ENTPD1: variants seen among roughly 807,000 people sequenced by gnomAD.
ENTPD1 encodes ATP diphosphohydrolase.
In ENTPD1, 33 loss-of-function variants were observed where a neutral mutation model predicts 57.0. The observed-to-expected ratio is 0.58, with a 90% confidence interval of 0.44 to 0.77. ENTPD1 has a LOEUF of 0.77. Ranked by LOEUF, ENTPD1 falls within the 30% of genes least tolerant of loss-of-function variation. The pLI is 0.00. For missense variants in ENTPD1, 501 were observed against 603.4 expected, an observed-to-expected ratio of 0.83 and a Z score of 1.78; for synonymous variants, 202 against 218.8, an observed-to-expected ratio of 0.92 and a Z score of 0.68.
At chr10:95,849,210 C>A (rs551956146) in intron 7 of ENTPD1, among the ~76,000 whole-genome samples, 1 of 152,260 alleles carries the variant, frequency 6.6e-6, no homozygotes, top group African/African-American at 2.4e-5. Context: ...TCTTAATTGA[C>A]TCAGTCTTCA....
intron 1 of ENTPD1, among the ~76,000 whole-genome samples, chr10:95,800,987 T>C (rs2098247056): frequency 6.6e-6 from 1 of 152,130 alleles, no homozygotes; most frequent in Non-Finnish European, 1.5e-5. Flanking sequence ...AGAGTATTGA[T>C]TGGGGAAGTG....
rs1433738575 is a variant in ENTPD1, at chr10:95,839,744, G to T, written c.198G>T (p.Lys66Asn). ...CTCACACAAGTTTATACATCTATAA[G>T]TGGCCAGCAGAAAAGGAGAATGACA... Reference protein sequence around the residue: ...GSSHTSLYIYKWPAEKENDTG... With the variant: ...GSSHTSLYIYNWPAEKENDTG... Residue 66 changes from lysine (K) to asparagine (N), a missense_variant, in exon 3 of 10, where the codon AAG (lysine) becomes AAT (asparagine). By Grantham distance (94) the Lys-to-Asn change is moderately conservative. Coordinates refer to ENST00000371205, the MANE Select transcript of ENTPD1 (RefSeq NM_001776.6). 1.9e-6 allele frequency: 3 copies of T among 1,614,080 alleles called. No homozygotes were observed. Among genetic ancestry groups the T allele is most frequent in the South Asian group, 1.1e-5 (1 of 91,070 alleles).
At chr10:95,709,659 A>G (rs543627104), upstream of ENTPD1, among the ~76,000 whole-genome samples, 4 of 152,178 alleles carry the variant, frequency 2.6e-5, no homozygotes, top group Non-Finnish European at 5.9e-5. Context: ...CTGGGATTAC[A>G]GGCCTGAGCC....
intron 1 of ENTPD1, among the ~76,000 whole-genome samples, chr10:95,768,234 C>T (rs975052990): frequency 6.6e-6 from 1 of 152,252 alleles, no homozygotes; most frequent in African/African-American, 2.4e-5. Context: ...AATAAGATAA[C>T]TGGGTATAGA....
chr10:95,786,162 T>C (rs951282477), intron 1 of ENTPD1, among the ~76,000 whole-genome samples: 1 of 152,188 alleles, frequency 6.6e-6, no homozygotes, highest in African/African-American at 2.4e-5. Flanking sequence ...AAGCACTTTG[T>C]TCCAAACTCC....
At chr10:95,697,969 A>G in the ENTPD1 span, among the ~76,000 whole-genome samples, 1 of 152,222 alleles carries the variant, frequency 6.6e-6, no homozygotes, top group African/African-American at 2.4e-5. Flanking sequence ...AAGTGACTGT[A>G]TTTCAGTGAA....
chr10:95,827,253 A>G (rs1216802338), intron 2 of ENTPD1, among the ~76,000 whole-genome samples: 1 of 152,060 alleles, frequency 6.6e-6, no homozygotes, highest in Non-Finnish European at 1.5e-5. Flanking sequence ...GGAGTTCAAG[A>G]CCAGCCTGGC....
At chr10:95,846,428 A>T (rs2098435837) in intron 6 of ENTPD1, 1 of 152,206 alleles carries the variant, frequency 6.6e-6, no homozygotes, top group South Asian at 2.1e-4. Context: ...AGTTAAACAT[A>T]CTCAACATCA....
chr10:95,808,828 G>A (rs533731357), intron 1 of ENTPD1, among the ~76,000 whole-genome samples: 6 of 152,038 alleles, frequency 3.9e-5, no homozygotes, highest in African/African-American at 7.2e-5. Flanking sequence ...AGATAAACAC[G>A]TGAACAAAGG....
At chr10:95,818,283 C>T (rs897755629) in intron 1 of ENTPD1, among the ~76,000 whole-genome samples, 4 of 152,184 alleles carry the variant, frequency 2.6e-5, no homozygotes, top group African/African-American at 9.7e-5. Flanking sequence ...AAGGAGCTTA[C>T]ATTCTAGTAG....
At chr10:95,757,935 G>A (rs1270996153) in intron 1 of ENTPD1, among the ~76,000 whole-genome samples, 3 of 148,606 alleles carry the variant, frequency 2.0e-5, no homozygotes, top group Non-Finnish European at 3.0e-5. Flanking sequence ...AACCCGGGAG[G>A]CAGAGGTTGC....
chr10:95,822,440 G>A (rs1487890853), intron 1 of ENTPD1, among the ~76,000 whole-genome samples: 2 of 152,000 alleles, frequency 1.3e-5, no homozygotes, highest in South Asian at 2.1e-4. Flanking sequence ...GGGATTACAG[G>A]TGCCCACCAC....
chr10:95,870,079 T>A lies in ENTPD1; in HGVS notation c.*3696T>A. 5.1e-6 allele frequency: 5 copies of A among 985,408 alleles called. No homozygotes were observed. The highest frequency in any genetic ancestry group is 4.8e-6 in the Non-Finnish European group (4 of 829,890). The allele number at this position is 985,408 out of a possible 1,614,324, so 61.0% of individuals were successfully genotyped here. The stretch of plus-strand genomic sequence containing the variant: ...AACATTCTTGCTATTATTTATTATA[T>A]ATGACATTATTCCTAAAAAAGCTTT... On this transcript the variant is annotated 3_prime_UTR_variant, in exon 10 of 10. Transcript: ENST00000371205.
chr10:95,708,331 A>G (rs939315826), upstream of ENTPD1, among the ~76,000 whole-genome samples: 2 of 151,946 alleles, frequency 1.3e-5, no homozygotes. Flanking sequence ...CTTCTGCCTC[A>G]GCCTCCCGAG....
At chr10:95,751,679 C>T (rs184388088), upstream of ENTPD1, among the ~76,000 whole-genome samples, 1 of 148,494 alleles carries the variant, frequency 6.7e-6, no homozygotes, top group Admixed American at 6.8e-5. Flanking sequence ...CGTGCCACTG[C>T]ACTCCAGCCT....
chr10:95,856,763 T>C (rs932948916), intron 7 of ENTPD1, among the ~76,000 whole-genome samples: 8 of 150,490 alleles, frequency 5.3e-5, no homozygotes, highest in African/African-American at 2.4e-5. Flanking sequence ...GGACACATGA[T>C]GTATTAAGTA....
At chr10:95,797,858 T>C (rs1241024763) in intron 1 of ENTPD1, among the ~76,000 whole-genome samples, 1 of 152,080 alleles carries the variant, frequency 6.6e-6, no homozygotes, top group Non-Finnish European at 1.5e-5. Flanking sequence ...GAGGAAAACA[T>C]CCAGACTGTG....
At chr10:95,802,631 C>T (rs530276250) in intron 1 of ENTPD1, among the ~76,000 whole-genome samples, 49 of 152,200 alleles carry the variant, frequency 3.2e-4, no homozygotes, top group African/African-American at 8.9e-4. Context: ...TGACAGGCCC[C>T]GGTGTGTGAT....
rs1418701179 is a variant in ENTPD1, at chr10:95,791,485, C to T, written c.17-31752C>T. The stretch of plus-strand genomic sequence containing the variant: ...AAACAAATTCTAATTTGCTTTGTAG[C>T]TTCGAGCTGGGATCAGAGAGTGGAA... On this transcript the variant is annotated intron_variant, in intron 1 of 9. Transcript: ENST00000371205. The surrounding 1 kb of genome is among the most constrained non-coding windows in gnomAD (Gnocchi z 4.1). 6.6e-6 allele frequency among the ~76,000 whole-genome samples: 1 copy of T among 152,156 alleles called. No homozygotes were observed. The highest frequency in any genetic ancestry group is 2.4e-5 in the African/African-American group (1 of 41,452).
Sources: allele counts gnomAD v4.1 joint callset (sites outside exome capture counted in the v4.1 genomes callset), GRCh38; gene constraint gnomAD v4.1.1; non-coding constraint Gnocchi (gnomAD v3.1); transcripts MANE v1.5; gene names NCBI Gene and HGNC (gene_info 2026-07-23, HGNC 2026-07-21).